The following SH3BP4 variants were observed in gnomAD, a reference collection of about 807,000 sequenced individuals.
The protein encoded by SH3BP4 is SH3 domain binding protein 4.
Under a neutral mutation model 65.5 loss-of-function variants are expected in SH3BP4, and 33 were observed. The observed-to-expected ratio is 0.50, with a 90% CI of 0.38 to 0.67. SH3BP4 has a LOEUF of 0.67. Ranked by LOEUF, SH3BP4 falls within the 30% of genes least tolerant of loss-of-function variation. The pLI is 0.00. For synonymous variants in SH3BP4, 552 were observed against 545.5 expected, an observed-to-expected ratio of 1.01 and a Z score of -0.17; for missense variants, 1,134 against 1,261.4, an observed-to-expected ratio of 0.90 and a Z score of 1.53.
At chr2:235,025,933 C>T (rs1457961989) in intron 2 of SH3BP4, among the ~76,000 whole-genome samples, 1 of 152,118 alleles carries the variant, frequency 6.6e-6, no homozygotes, top group Non-Finnish European at 1.5e-5. Flanking sequence ...GAAACAGTAG[C>T]TGTGTTTGGT....
In SH3BP4 at chr2:235,052,684, C is replaced by G. The variant is rs758024667; in HGVS notation, c.2601C>G (p.Val867=). Residue 867 remains valine, a synonymous_variant, in exon 5 of 6, where the codon GTC becomes GTG. Transcript: ENST00000392011. The surrounding 1 kb of genome is among the most constrained non-coding windows in gnomAD (Gnocchi z 5.0). ...AGCTGGCTGAGAAGCTGGCCAAGGT[C>G]TCCAAGCAGCAGATGGACGCCTACG... The part of the protein sequence containing the change: ...WRELAEKLAK[V]SKQQMDAYES... 64 of 1,603,592 alleles carry G rather than the reference C, an allele frequency of 4.0e-5. No individual in the cohort carries two copies. Among genetic ancestry groups the G allele is most frequent in the Non-Finnish European group, 1.2e-5 (14 of 1,175,644 alleles).
In SH3BP4 at chr2:234,977,269, G is replaced by A. The variant is rs1693196851; in HGVS notation, c.-206-18034G>A. Among the ~76,000 whole-genome samples the A allele has an allele frequency of 6.6e-6, 1 of 152,182 alleles. No homozygotes were observed. The highest frequency in any genetic ancestry group is 2.4e-5 in the African/African-American group (1 of 41,452). ...AGAAGCTCAGGGTCCCCATTTCCTGGCCGGGAACTTCCCTTTCCTACAGAC... is the reference window on the plus strand; with the variant it reads ...AGAAGCTCAGGGTCCCCATTTCCTGACCGGGAACTTCCCTTTCCTACAGAC... On this transcript the variant is annotated intron_variant, in intron 1 of 5. Coordinates refer to ENST00000392011, the MANE Select transcript of SH3BP4 (RefSeq NM_014521.3). This position sits in a 1 kb window ranked among gnomAD's most constrained non-coding sequence, Gnocchi z 5.1.
At chr2:234,984,535 G>T (rs1041014158) in intron 1 of SH3BP4, among the ~76,000 whole-genome samples, 2 of 152,094 alleles carry the variant, frequency 1.3e-5, no homozygotes, top group Admixed American at 6.6e-5. Flanking sequence ...TGTCAGATGA[G>T]GAATCAATCC....
chr2:235,012,872 A>G (rs369237637), intron 2 of SH3BP4, among the ~76,000 whole-genome samples: 1 of 152,356 alleles, frequency 6.6e-6, no homozygotes, highest in African/African-American at 2.4e-5. Context: ...ACCAAGGATC[A>G]GGTGAGAAAG....
At chr2:235,021,352 T>G (rs1694841584) in intron 2 of SH3BP4, among the ~76,000 whole-genome samples, 1 of 152,016 alleles carries the variant, frequency 6.6e-6, no homozygotes, top group South Asian at 2.1e-4. Context: ...AGTGGCTCAC[T>G]CCTGTAATCC....
At chr2:234,975,525 T>C (rs1372248151) in intron 1 of SH3BP4, among the ~76,000 whole-genome samples, 2 of 152,172 alleles carry the variant, frequency 1.3e-5, no homozygotes, top group African/African-American at 2.4e-5. Flanking sequence ...ATTTCATATA[T>C]GGGGAAACTG....
At chr2:235,015,794 C>A (rs1694669473) in intron 2 of SH3BP4, among the ~76,000 whole-genome samples, 2 of 152,232 alleles carry the variant, frequency 1.3e-5, no homozygotes, top group South Asian at 2.1e-4. Flanking sequence ...TGGTGCCCAG[C>A]CTGTCTCAAG....
chr2:234,953,965 G>A (rs1221522394), intron 1 of SH3BP4, among the ~76,000 whole-genome samples: 3 of 151,706 alleles, frequency 2.0e-5, no homozygotes, highest in Non-Finnish European at 4.4e-5. Context: ...ATATTTAGGC[G>A]GGACCCCAGA....
In SH3BP4 at chr2:235,034,108, CCT is replaced by C. The variant is rs1251364681; in HGVS notation, c.-132-761_-132-760del. Among the ~76,000 whole-genome samples the C allele has an allele frequency of 6.6e-6, 1 of 152,020 alleles. No individual in the cohort carries two copies. Among genetic ancestry groups the C allele is most frequent in the Non-Finnish European group, 1.5e-5 (1 of 68,004 alleles). On this transcript the variant is annotated intron_variant, in intron 2 of 5. Coordinates refer to ENST00000392011, the MANE Select transcript of SH3BP4 (RefSeq NM_014521.3). This position sits in a 1 kb window ranked among gnomAD's most constrained non-coding sequence, Gnocchi z 6.2. ...TGAAGGGCCTGCTCAGAGCCAGTCA[CCT>C]CATTCATATCCAGAACCCCCCACAT...
intron 2 of SH3BP4, among the ~76,000 whole-genome samples, chr2:235,007,915 G>A (rs752768156): frequency 4.6e-5 from 7 of 152,240 alleles, no homozygotes; most frequent in Non-Finnish European, 7.3e-5. Flanking sequence ...GGGCACCGGA[G>A]AGGTTGGACG....
At position 235,041,936 on chromosome 2, in the gene SH3BP4, C is replaced by T; in HGVS notation, c.1167C>T (p.Thr389=). ...AGCTGAGCAACCTGGAGGTGAAAAC[C>T]TCTATCATCTTGGAGATGAAAGTGT... ...EVKLSNLEVK[T]SIILEMKVSA... The change falls in exon 4 of 6, where the codon ACC becomes ACT. Residue 389 remains threonine (T), a synonymous_variant. Transcript: ENST00000392011. The surrounding 1 kb of genome is among the most constrained non-coding windows in gnomAD (Gnocchi z 6.0). The T allele has an allele frequency of 6.2e-7, 1 of 1,613,576 alleles. No homozygotes were observed. The highest frequency in any genetic ancestry group is 8.5e-7 in the Non-Finnish European group (1 of 1,179,682).
At position 235,052,896 on chromosome 2, in the gene SH3BP4, T is replaced by C. The variant is rs1325070797; in HGVS notation, c.2667+146T>C. 1.3e-6 allele frequency: 1 copy of C among 796,680 alleles called. No homozygotes were observed. Among genetic ancestry groups the C allele is most frequent in the Non-Finnish European group, 1.9e-6 (1 of 516,928 alleles). The allele number at this position is 796,680 out of a possible 1,614,324, so 49.4% of individuals were successfully genotyped here. ...AAATGTGCACGCATGTGCCCAGCAC[T>C]GGGTGTGCCTCACTGAGTGGGAGCC... On this transcript the variant is annotated intron_variant, in intron 5 of 5. Coordinates refer to ENST00000392011, the MANE Select transcript of SH3BP4 (RefSeq NM_014521.3). This position sits in a 1 kb window ranked among gnomAD's most constrained non-coding sequence, Gnocchi z 5.0.
At chr2:235,038,397 A>T (rs1309087081) in intron 3 of SH3BP4, among the ~76,000 whole-genome samples, 2 of 80,974 alleles carry the variant, frequency 2.5e-5, no homozygotes, top group Non-Finnish European at 4.7e-5. Flanking sequence ...ATATATATAT[A>T]TATATATATA....
In SH3BP4 at chr2:235,039,984, C is replaced by T. The variant is rs529987582; in HGVS notation, c.119-904C>T. Among the ~76,000 whole-genome samples, 7 of 152,304 alleles carry T rather than the reference C, an allele frequency of 4.6e-5. No individual in the cohort carries two copies. In the East Asian group the frequency reaches 9.6e-4, roughly 21 times the overall value. ...GCGCAGTGGCTCACACCAGTAATCCCATCATTTTGGGAGGCTGAGGCGGGA... is the reference window on the plus strand; with the variant it reads ...GCGCAGTGGCTCACACCAGTAATCCTATCATTTTGGGAGGCTGAGGCGGGA... On this transcript the variant is annotated intron_variant, in intron 3 of 5. Transcript: ENST00000392011.
intron 1 of SH3BP4, among the ~76,000 whole-genome samples, chr2:234,968,764 A>G (rs1267867819): frequency 6.6e-6 from 1 of 152,186 alleles, no homozygotes; most frequent in South Asian, 2.1e-4. Flanking sequence ...TTCTTTCGGC[A>G]TAATTGGATG....
intron 2 of SH3BP4, among the ~76,000 whole-genome samples, chr2:235,025,578 C>T (rs890804724): frequency 6.6e-6 from 1 of 152,214 alleles, no homozygotes; most frequent in Admixed American, 6.5e-5. Flanking sequence ...GGGAGACAAT[C>T]CAAGCTTGGG....
chr2:235,008,992 G>C (rs957254082), intron 2 of SH3BP4, among the ~76,000 whole-genome samples: 2 of 152,204 alleles, frequency 1.3e-5, no homozygotes, highest in Non-Finnish European at 2.9e-5. Flanking sequence ...CCAAGGGACA[G>C]GTGGACGGAC....
At chr2:234,975,559 C>A (rs1440577642) in intron 1 of SH3BP4, among the ~76,000 whole-genome samples, 1 of 152,210 alleles carries the variant, frequency 6.6e-6, no homozygotes, top group African/African-American at 2.4e-5. Context: ...TTCGCTCAAG[C>A]TTTGAGGGTC....
intron 2 of SH3BP4, among the ~76,000 whole-genome samples, chr2:235,003,463 C>G (rs764179556): frequency 6.6e-6 from 1 of 152,244 alleles, no homozygotes; most frequent in African/African-American, 2.4e-5. Context: ...GAGGGTCATT[C>G]GAAGGATAGA....
Sources: allele counts gnomAD v4.1 joint callset (sites outside exome capture counted in the v4.1 genomes callset), GRCh38; gene constraint gnomAD v4.1.1; non-coding constraint Gnocchi (gnomAD v3.1); transcripts MANE v1.5; gene names NCBI Gene and HGNC (gene_info 2026-07-23, HGNC 2026-07-21).